Variants in SPEF2 observed in about 807,000 individuals in gnomAD.
The protein encoded by SPEF2 is sperm flagella and cilia-associated protein 2.
A neutral mutation model predicts 224.6 loss-of-function variants in SPEF2; 187 were observed. The ratio of observed to expected loss-of-function variants is 0.83; its 90% CI spans 0.74 to 0.94. SPEF2 has a LOEUF of 0.94. Ranked by LOEUF, SPEF2 falls within the 40% of genes least tolerant of loss-of-function variation. The probability of loss-of-function intolerance (pLI) is 0.00; values close to 1 mark genes in which losing one functional copy is unlikely to be tolerated. For synonymous variants in SPEF2, 715 were observed against 707.3 expected (o/e 1.01, Z -0.17); for missense variants, 2,170 against 2,135.6 (o/e 1.02, Z -0.32).
chr5:35,793,162 C>T lies in SPEF2; in HGVS notation c.4558C>T (p.Gln1520Ter), dbSNP rs761901771. Residue 1520 changes from glutamine (Q) to a stop codon, truncating the protein, a stop_gained, in exon 32 of 37, where the codon CAG becomes TAG. Coordinates refer to ENST00000356031, the MANE Select transcript of SPEF2 (RefSeq NM_024867.4). LOFTEE classifies it high-confidence loss of function. ...NWMHLTQPEL[Q>*]ELTSLLTVNS... is the part of the protein sequence containing the mutation. ...GATATTTCCTGTTTTCTTCTAGTTA[C>T]AGGAATTAACATCTTTATTAACAGT... 3 of 1,613,200 alleles carry T rather than the reference C, an allele frequency of 1.9e-6. No homozygotes were observed. The highest frequency in any genetic ancestry group is 1.1e-5 in the South Asian group (1 of 90,902).
At chr5:35,677,360 G>A (rs1334442319) in intron 10 of SPEF2, among the ~76,000 whole-genome samples, 1 of 152,152 alleles carries the variant, frequency 6.6e-6, no homozygotes, top group Non-Finnish European at 1.5e-5. Context: ...AGCAGTTGGG[G>A]AATGACATTT....
At chr5:35,790,617 G>T (rs1218035180) in intron 30 of SPEF2, 2 of 307,132 alleles carry the variant, frequency 6.5e-6, no homozygotes, top group Non-Finnish European at 1.2e-5. Context: ...TTTTGGTGGA[G>T]CTGTATGCTG....
intron 1 of SPEF2, among the ~76,000 whole-genome samples, chr5:35,620,265 C>G (rs923470971): frequency 1.3e-5 from 2 of 152,132 alleles, no homozygotes; most frequent in African/African-American, 4.8e-5. Context: ...TAGAATCTAT[C>G]ATGGAAGGAC....
intron 21 of SPEF2, among the ~76,000 whole-genome samples, chr5:35,738,473 C>T (rs1030835929): frequency 2.0e-5 from 3 of 151,184 alleles, no homozygotes; most frequent in Non-Finnish European, 3.0e-5. Context: ...AATAGGGAAT[C>T]CTTTCCCCAT....
At chr5:35,796,278 C>G (rs981154067) in intron 33 of SPEF2, among the ~76,000 whole-genome samples, 2 of 151,976 alleles carry the variant, frequency 1.3e-5, no homozygotes, top group Non-Finnish European at 2.9e-5. Context: ...TTATGAGCCT[C>G]TATTTCTGAG....
chr5:35,686,783 C>A (rs541446282), intron 10 of SPEF2, among the ~76,000 whole-genome samples: 2 of 152,092 alleles, frequency 1.3e-5, no homozygotes, highest in Non-Finnish European at 2.9e-5. Flanking sequence ...CCATTTATAG[C>A]CTTTCCACCA....
chr5:35,694,244 T>C (rs1216381728), intron 12 of SPEF2, 44 bp from the exon 13 acceptor site: 11 of 1,454,790 alleles, frequency 7.6e-6, no homozygotes, highest in Non-Finnish European at 1.1e-5. Flanking sequence ...TATTAAAATA[T>C]AGCAATGGTA....
At chr5:35,719,660 C>T (rs1037193889) in intron 20 of SPEF2, among the ~76,000 whole-genome samples, 3 of 151,824 alleles carry the variant, frequency 2.0e-5, no homozygotes, top group Non-Finnish European at 4.4e-5. Context: ...CTAGCTCTGT[C>T]ACCTAGGTTG....
At position 35,795,791 on chromosome 5, in the gene SPEF2, T is replaced by C. The variant is rs372278670; in HGVS notation, c.4826T>C (p.Ile1609Thr). The C allele has an allele frequency of 9.9e-6, 16 of 1,609,226 alleles. No individual in the cohort carries two copies. The African/African-American group carries it at 1.6e-4, about 16-fold the overall frequency. The change falls in exon 33 of 37, where the codon ATA becomes ACA. Residue 1609 changes from isoleucine (I) to threonine (T), a missense_variant. By Grantham distance (89) the Ile-to-Thr change is moderately conservative (BLOSUM62 -1). Transcript: ENST00000356031. ...PLPFNRQEHL[I>T]EFFFRLFADY... ...CCATTTAATAGGCAGGAGCATCTTA[T>C]AGAGGTAATGACTGAGATCTTTAAA...
intron 16 of SPEF2, among the ~76,000 whole-genome samples, chr5:35,703,342 C>A (rs554689389): frequency 5.3e-5 from 8 of 151,944 alleles, no homozygotes; most frequent in African/African-American, 1.7e-4. Flanking sequence ...TTCATTCATG[C>A]AGTTTAGGTT....
chr5:35,698,936 G>A (rs1755731839), intron 15 of SPEF2: 1 of 152,114 alleles, frequency 6.6e-6, no homozygotes, highest in African/African-American at 2.4e-5. Context: ...TCCCATCTTA[G>A]GCCAATGAAT....
Position 35,709,268 on chromosome 5 carries a change from G to T in SPEF2, c.2839+147G>T, listed in dbSNP as rs1189045508. 9 of 1,462,032 alleles carry T rather than the reference G, an allele frequency of 6.2e-6. No individual in the cohort carries two copies. The Admixed American group carries it at 2.6e-4, about 42-fold the overall frequency. 90.6% of individuals were successfully genotyped at this position (1,462,032 alleles called of 1,614,324 possible). A position where few individuals can be genotyped will look rare whatever the true frequency, so the allele number is the denominator to read the frequency against. On this transcript the variant is annotated intron_variant, in intron 19 of 36. Transcript: ENST00000356031. The stretch of plus-strand genomic sequence containing the variant: ...TTTACACTCAGATGGAAGTGGAAAA[G>T]CCCTCGGAGTAGCTAAAAGCGTAGT...
chr5:35,714,999 T>C (rs1742257268), intron 20 of SPEF2, among the ~76,000 whole-genome samples: 1 of 152,012 alleles, frequency 6.6e-6, no homozygotes, highest in Non-Finnish European at 1.5e-5. Context: ...CATTGCAGCC[T>C]TGACCTCCTA....
At chr5:35,801,497 A>G (rs1757415724) in intron 34 of SPEF2, among the ~76,000 whole-genome samples, 1 of 150,962 alleles carries the variant, frequency 6.6e-6, no homozygotes, top group African/African-American at 2.5e-5. Flanking sequence ...TCAGTGATAA[A>G]GCAAGACTCC....
At chr5:35,649,603 T>C (rs900753011) in intron 6 of SPEF2, among the ~76,000 whole-genome samples, 178 bp downstream of exon 6, 2 of 152,214 alleles carry the variant, frequency 1.3e-5, no homozygotes, top group African/African-American at 4.8e-5. Flanking sequence ...TGTTAGCAAC[T>C]GTTATAAATA....
At chr5:35,685,820 A>G (rs1753527186) in intron 10 of SPEF2, among the ~76,000 whole-genome samples, 1 of 151,724 alleles carries the variant, frequency 6.6e-6, no homozygotes. Flanking sequence ...TGGTTAGGAA[A>G]TGAGCTAAAT....
In SPEF2 at chr5:35,772,899, C is replaced by G. The variant is rs138729224; in HGVS notation, c.3950-994C>G. Reference sequence around the variant, plus strand: ...CAGTATCTTCTCTATAAGATTTGAACCCTTCGAAGTCAGACCCTCAAGAAA... The same window carrying G: ...CAGTATCTTCTCTATAAGATTTGAAGCCTTCGAAGTCAGACCCTCAAGAAA... On this transcript the variant is annotated intron_variant, in intron 27 of 36. Coordinates refer to ENST00000356031, the MANE Select transcript of SPEF2 (RefSeq NM_024867.4). Among the ~76,000 whole-genome samples, 47 of 152,224 alleles carry G rather than the reference C, an allele frequency of 3.1e-4. No individual in the cohort carries two copies. In the East Asian group the frequency reaches 8.1e-3, roughly 26 times the overall value.
chr5:35,775,711 T>C (rs567993101), intron 28 of SPEF2, among the ~76,000 whole-genome samples: 1 of 152,224 alleles, frequency 6.6e-6, no homozygotes, highest in East Asian at 1.9e-4. Context: ...GGATTGAGGC[T>C]ATTGCAACAG....
rs772868760 is a variant in SPEF2 at position 35,806,871 on chromosome 5, C to T, written c.5175C>T (p.Leu1725=). The stretch of plus-strand genomic sequence containing the variant: ...AAAAGATGTCCATGGAAACACTACT[C>T]AAAGTGTTCAAAGGGGGAAGTGAAG... ...NNEKMSMETL[L]KVFKGGSEAQ... The change falls in exon 35 of 37, where the codon CTC becomes CTT. Residue 1725 remains leucine, a synonymous_variant. Transcript: ENST00000356031. The T allele has an allele frequency of 2.5e-5, 40 of 1,613,920 alleles. No homozygotes were observed. Among genetic ancestry groups the T allele is most frequent in the Non-Finnish European group, 3.1e-5 (36 of 1,179,970 alleles).
Sources: gnomAD v4.1 joint callset for allele counts (sites outside exome capture counted in the v4.1 genomes callset) on GRCh38, gnomAD v4.1.1 for gene constraint, MANE v1.5 for transcripts, NCBI Gene and HGNC (gene_info 2026-07-23, HGNC 2026-07-21) for gene names.